MYO1E: variants seen among roughly 807,000 people sequenced by gnomAD.
The protein encoded by MYO1E is myosin IE.
Under a neutral mutation model 151.1 loss-of-function variants are expected in MYO1E, and 68 were observed. The observed-to-expected ratio is 0.45, with a 90% CI of 0.37 to 0.55. The LOEUF is 0.55. Ranked by LOEUF, MYO1E falls within the 20% of genes least tolerant of loss-of-function variation. MYO1E has a pLI of 0.00. For missense variants in MYO1E, 1,363 were observed against 1,389.3 expected (o/e 0.98, Z 0.30); for synonymous variants, 601 against 501.7 (o/e 1.20, Z -2.64).
chr15:59,288,440 G>A lies in MYO1E; in HGVS notation c.4-15991C>T, dbSNP rs558595491. ...GATCTTCCTGCCTTGGCCTCCCAAA[G>A]TGTTGGGATTACAGGTGTGAGCTGT... On this transcript the variant is annotated intron_variant, in intron 1 of 27. Transcript: ENST00000288235. 2.1e-3 allele frequency among the ~76,000 whole-genome samples: 315 copies of A among 152,304 alleles called. 2 individuals are homozygous for A. The highest frequency in any genetic ancestry group is 2.5e-3 in the South Asian group (12 of 4,824).
intron 1 of MYO1E, among the ~76,000 whole-genome samples, chr15:59,363,877 C>A (rs1298323671): frequency 1.3e-5 from 2 of 152,114 alleles, no homozygotes; most frequent in Admixed American, 6.5e-5. Flanking sequence ...CCATTTCAAG[C>A]GATTCTCCTG....
At chr15:59,257,332 G>T (rs1336909917) in intron 3 of MYO1E, among the ~76,000 whole-genome samples, 2 of 152,170 alleles carry the variant, frequency 1.3e-5, no homozygotes, top group Non-Finnish European at 2.9e-5. Context: ...GCTGGGTGTG[G>T]TAGCACATGC....
rs766199953 is a variant in MYO1E at position 59,214,642 on chromosome 15, G to A, written c.1186C>T (p.Gln396Ter). 6.2e-7 allele frequency: 1 copy of A among 1,609,074 alleles called. No individual in the cohort carries two copies. Among genetic ancestry groups the A allele is most frequent in the Admixed American group, 1.7e-5 (1 of 60,010 alleles). The change falls in exon 11 of 28, where the codon CAG becomes TAG. Residue 396 changes from glutamine to a stop codon, truncating the protein, a stop_gained and splice_region_variant. Transcript: ENST00000288235. LOFTEE classifies it high-confidence loss of function. ...VLDIYGFEIF[Q>*]KNGFEQFCIN... Reference sequence around the variant, plus strand: ...CTAGTTATTAAAACTGGCCTTACCTGGAATATTTCAAAGCCATAGATGTCT... The same window carrying A: ...CTAGTTATTAAAACTGGCCTTACCTAGAATATTTCAAAGCCATAGATGTCT...
In MYO1E at chr15:59,137,289, CATTGTGG is replaced by C; in HGVS notation, c.*84_*90del. The C allele has an allele frequency of 8.6e-7, 1 of 1,161,020 alleles. No individual in the cohort carries two copies. Among genetic ancestry groups the C allele is most frequent in the Non-Finnish European group, 1.3e-6 (1 of 771,500 alleles). The allele number at this position is 1,161,020 out of a possible 1,614,324, so 71.9% of individuals were successfully genotyped here. A position where few individuals can be genotyped will look rare whatever the true frequency, so the allele number is the denominator to read the frequency against. On this transcript the variant is annotated 3_prime_UTR_variant, in exon 28 of 28. Coordinates refer to ENST00000288235, the MANE Select transcript of MYO1E (RefSeq NM_004998.4). ...TCCAGGCCTTGGAGAAGCAATTGCT[CATTGTGG>C]ATTGTAAGGGGAGCCCCTAAATATC...
At chr15:59,348,051 C>G (rs2080804100) in intron 1 of MYO1E, among the ~76,000 whole-genome samples, 1 of 152,138 alleles carries the variant, frequency 6.6e-6, no homozygotes, top group Non-Finnish European at 1.5e-5. Flanking sequence ...GATTTTGAAG[C>G]CTCATCCCAA....
At chr15:59,206,212 AAGGAATGCC>A (rs1364659514) in intron 14 of MYO1E, among the ~76,000 whole-genome samples, 2 of 152,228 alleles carry the variant, frequency 1.3e-5, no homozygotes, top group African/African-American at 2.4e-5. Flanking sequence ...ATGGGGAGAC[AAGGAATGCC>A]AGTCTGTGAT....
At chr15:59,186,517 A>G (rs2140324600) in intron 18 of MYO1E, among the ~76,000 whole-genome samples, 1 of 152,260 alleles carries the variant, frequency 6.6e-6, no homozygotes, top group South Asian at 2.1e-4. Context: ...GATAATCCCA[A>G]CACTTTGGGA....
At chr15:59,232,038 A>C (rs1283169151) in intron 5 of MYO1E, among the ~76,000 whole-genome samples, 1 of 152,126 alleles carries the variant, frequency 6.6e-6, no homozygotes, top group African/African-American at 2.4e-5. Context: ...CCCCACTGTC[A>C]ATCAGGAACT....
At chr15:59,281,971 A>T (rs911120346) in intron 1 of MYO1E, among the ~76,000 whole-genome samples, 1 of 152,026 alleles carries the variant, frequency 6.6e-6, no homozygotes, top group Non-Finnish European at 1.5e-5. Flanking sequence ...CAAAAAAAAA[A>T]AAGGAAAAGA....
intron 1 of MYO1E, among the ~76,000 whole-genome samples, chr15:59,307,025 G>C (rs2080518732): frequency 6.6e-6 from 1 of 152,196 alleles, no homozygotes; most frequent in Non-Finnish European, 1.5e-5. Flanking sequence ...CTTGAGAACG[G>C]GATGCAAGCA....
chr15:59,356,121 G>A (rs766682882), intron 1 of MYO1E, among the ~76,000 whole-genome samples: 8 of 152,144 alleles, frequency 5.3e-5, no homozygotes, highest in Non-Finnish European at 1.0e-4. Context: ...ACAGTTGCAC[G>A]GGGAAGGCGT....
At chr15:59,234,291 T>TGCAC (rs1440057769) in intron 5 of MYO1E, among the ~76,000 whole-genome samples, 1 of 152,110 alleles carries the variant, frequency 6.6e-6, no homozygotes, top group Non-Finnish European at 1.5e-5. Flanking sequence ...CACGGATGGA[T>TGCAC]GGATGGATGG....
Position 59,339,853 on chromosome 15 carries a change from G to GTT in MYO1E, c.3+32643_3+32644dup, listed in dbSNP as rs11300848. 6.7e-4 allele frequency among the ~76,000 whole-genome samples: 90 copies of GTT among 133,572 alleles called. No homozygotes were observed. The East Asian group carries it at 7.2e-3, about 11-fold the overall frequency. The allele number at this position is 133,572 out of a possible 152,430, so 87.6% of individuals were successfully genotyped here. On this transcript the variant is annotated intron_variant, in intron 1 of 27. Coordinates refer to ENST00000288235, the MANE Select transcript of MYO1E (RefSeq NM_004998.4). ...ATTTTATATATACATACTTTTTTTTGTTTTTTTTTTTTTTGACAGAGTCTT... is the reference window on the plus strand; with the variant it reads ...ATTTTATATATACATACTTTTTTTTGTTTTTTTTTTTTTTTTGACAGAGTCTT...
At chr15:59,222,513 G>C (rs1484897937) in intron 9 of MYO1E, among the ~76,000 whole-genome samples, 1 of 152,296 alleles carries the variant, frequency 6.6e-6, no homozygotes, top group African/African-American at 2.4e-5. Context: ...CATTAAAAGT[G>C]ATCATCAGAA....
In MYO1E at chr15:59,161,058, C is replaced by T; in HGVS notation, c.2785+15G>A. 1 of 1,612,604 alleles carries T rather than the reference C, an allele frequency of 6.2e-7. No individual in the cohort carries two copies. Among genetic ancestry groups the T allele is most frequent in the East Asian group, 2.2e-5 (1 of 44,828 alleles). On this transcript the variant is annotated intron_variant, in intron 24 of 27. Transcript: ENST00000288235. ...GCGGCGGCAGTTCTGCCTGCAGGGC[C>T]CGTGGAGCACTTACGGGAGTTCTTG...
intron 24 of MYO1E, among the ~76,000 whole-genome samples, chr15:59,158,730 CT>C (rs2079522001): frequency 6.6e-6 from 1 of 152,190 alleles, no homozygotes; most frequent in Non-Finnish European, 1.5e-5. Flanking sequence ...TGCTAAGTGG[CT>C]GAGCAGGTTC....
chr15:59,176,482 G>T (rs1448685904), intron 19 of MYO1E, among the ~76,000 whole-genome samples: 2 of 149,556 alleles, frequency 1.3e-5, no homozygotes, highest in Non-Finnish European at 3.0e-5. Context: ...TTTAGAGAAA[G>T]GGTCTTTCTT....
intron 1 of MYO1E, among the ~76,000 whole-genome samples, chr15:59,312,884 C>A (rs762047478): frequency 4.1e-5 from 6 of 146,772 alleles, no homozygotes; most frequent in African/African-American, 1.5e-4. Flanking sequence ...AATAATAATA[C>A]AAAAAATTAG....
intron 1 of MYO1E, among the ~76,000 whole-genome samples, chr15:59,338,284 C>CTTTTT (rs35457560): frequency 4.7e-5 from 6 of 128,662 alleles, no homozygotes; most frequent in South Asian, 2.5e-4. Context: ...TCAGTATTGA[C>CTTTTT]TTTTTTTTTT....
Sources: gnomAD v4.1 joint callset for allele counts (sites outside exome capture counted in the v4.1 genomes callset) on GRCh38, gnomAD v4.1.1 for gene constraint, MANE v1.5 for transcripts, NCBI Gene and HGNC (gene_info 2026-07-23, HGNC 2026-07-21) for gene names.